The following NFAT5 variants were observed in gnomAD, a reference collection of about 807,000 sequenced individuals.
NFAT5 encodes nuclear factor of activated T cells 5, also known as nuclear factor of activated T-cells 5.
Under a neutral mutation model 166.5 loss-of-function variants are expected in NFAT5, and 31 were observed. That is an observed-to-expected ratio of 0.19 (90% CI 0.14 to 0.25). The LOEUF (loss-of-function observed/expected upper bound fraction) is 0.25, where lower values mean the gene tolerates loss of function less well. Among genes scored for constraint, NFAT5 ranks in the 10% least tolerant of loss-of-function variants. The pLI is 1.00. For missense variants in NFAT5, 1,449 were observed against 1,821.8 expected (o/e 0.80, Z 3.72); for synonymous variants, 612 against 639.7 (o/e 0.96, Z 0.65).
chr16:69,701,253 T>C lies in NFAT5; in HGVS notation c.*4902T>C, dbSNP rs2037893884. 1 of 152,452 alleles carries C rather than the reference T, an allele frequency of 6.6e-6. No individual in the cohort carries two copies. Among genetic ancestry groups the C allele is most frequent in the Non-Finnish European group, 1.5e-5 (1 of 68,016 alleles). 9.4% of individuals were successfully genotyped at this position (152,452 alleles called of 1,614,324 possible). On this transcript the variant is annotated 3_prime_UTR_variant, in exon 15 of 15. Transcript: ENST00000349945. ...GCATGAGCCACCACATCCGGCCTAA[T>C]TACTTCTTTAATCCCCATTTATTTT...
rs12598936 is a variant in NFAT5 at position 69,685,073 on chromosome 16, G to T, written c.1774+103G>T. ...TTCTCTTAGGTACTTATAATACTTT[G>T]CAGGGTATCTTCATATTGTAAAATA... On this transcript the variant is annotated intron_variant, in intron 11 of 14. Coordinates refer to ENST00000349945, the MANE Select transcript of NFAT5 (RefSeq NM_138713.4). 1,001 of 562,284 alleles carry T rather than the reference G, an allele frequency of 1.8e-3. 15 individuals carry two copies. The East Asian group carries it at 0.028, about 16-fold the overall frequency. The allele number at this position is 562,284 out of a possible 1,614,324, so 34.8% of individuals were successfully genotyped here.
rs369232905 is a variant in NFAT5 at position 69,587,386 on chromosome 16, C to A, written c.127+18838C>A. Among the ~76,000 whole-genome samples, 36 of 147,062 alleles carry A rather than the reference C, an allele frequency of 2.4e-4. No individual in the cohort carries two copies. In the South Asian group the frequency reaches 7.9e-3, roughly 32 times the overall value. ...CCACCATGCCCGGCCTATTTTTCTT[C>A]AATTTCTCTTCTTTTTTTTTGAGAT... On this transcript the variant is annotated intron_variant, in intron 2 of 14. Coordinates refer to ENST00000349945, the MANE Select transcript of NFAT5 (RefSeq NM_138713.4).
rs2037853427 is a variant in NFAT5, at chr16:69,699,282, T to C, written c.*2931T>C. On this transcript the variant is annotated 3_prime_UTR_variant, in exon 15 of 15. Transcript: ENST00000349945. ...GAGGTTTATTGTTATCAAATGCTAA[T>C]TGGCAATGCCAAGTCACTGGGACCA... is the stretch of plus-strand genomic sequence containing the variant. 6.5e-6 allele frequency: 1 copy of C among 153,146 alleles called. No homozygotes were observed. The highest frequency in any genetic ancestry group is 2.4e-5 in the African/African-American group (1 of 41,458). 9.5% of individuals were successfully genotyped at this position (153,146 alleles called of 1,614,324 possible).
intron 10 of NFAT5, among the ~76,000 whole-genome samples, chr16:69,679,178 G>T (rs1031088864): frequency 2.6e-5 from 4 of 151,950 alleles, no homozygotes; most frequent in African/African-American, 7.2e-5. Context: ...TGATCTGCCC[G>T]CCTCGGCCTC....
intron 6 of NFAT5, among the ~76,000 whole-genome samples, chr16:69,658,214 G>A (rs1044277494): frequency 1.2e-4 from 19 of 152,282 alleles, no homozygotes; most frequent in Admixed American, 1.0e-3. Context: ...CAGGCGTGCT[G>A]GCTCATGCCT....
At chr16:69,613,329 A>G (rs1056722322) in intron 2 of NFAT5, among the ~76,000 whole-genome samples, 1 of 152,172 alleles carries the variant, frequency 6.6e-6, no homozygotes, top group Non-Finnish European at 1.5e-5. Flanking sequence ...TATTCTCTGT[A>G]TTCCTGGTAG....
At chr16:69,638,249 A>G (rs1430730321) in intron 3 of NFAT5, among the ~76,000 whole-genome samples, 1 of 152,002 alleles carries the variant, frequency 6.6e-6, no homozygotes, top group Non-Finnish European at 1.5e-5. Flanking sequence ...CAACAAAAAC[A>G]AAAAACAAAA....
chr16:69,699,836 CTGTGTG>C lies in NFAT5; in HGVS notation c.*3495_*3500del, dbSNP rs887106737. On this transcript the variant is annotated 3_prime_UTR_variant, in exon 15 of 15. Coordinates refer to ENST00000349945, the MANE Select transcript of NFAT5 (RefSeq NM_138713.4). ...TCTTTCTCTCTCTCTCTCTCTCTCT[CTGTGTG>C]TGTGTGTGTATGTGTGTGTGTGTGT... The C allele has an allele frequency of 4.1e-5, 6 of 148,064 alleles. No homozygotes were observed. The highest frequency in any genetic ancestry group is 7.5e-5 in the Non-Finnish European group (5 of 67,086). The allele number at this position is 148,064 out of a possible 1,614,324, so 9.2% of individuals were successfully genotyped here. A position where few individuals can be genotyped will look rare whatever the true frequency, so the allele number is the denominator to read the frequency against.
At chr16:69,605,571 C>T (rs1314733816) in intron 2 of NFAT5, among the ~76,000 whole-genome samples, 1 of 152,166 alleles carries the variant, frequency 6.6e-6, no homozygotes, top group African/African-American at 2.4e-5. Context: ...TGAGAAACTT[C>T]TTTCTAATTC....
Position 69,653,274 on chromosome 16 carries a change from G to C in NFAT5, c.851G>C (p.Ser284Thr). The change falls in exon 5 of 15, where the codon AGC becomes ACC. Residue 284 changes from serine (S) to threonine (T), a missense_variant. By Grantham distance (58) the Ser-to-Thr change is moderately conservative (BLOSUM62 1). This residue lies in a region of NFAT5 where 115 missense variants were observed against 177.1 expected (regional missense o/e 0.65). Transcript: ENST00000349945. ...ENQKGTGVKK[S>T]PMLCGQYPVK... ...CAAAAAGGAACTGGAGTAAAGAAGA[G>C]CCCTATGTTGTGTGGACAATATCCT... is the stretch of plus-strand genomic sequence containing the variant. The C allele has an allele frequency of 6.2e-7, 1 of 1,606,710 alleles. No homozygotes were observed. The highest frequency in any genetic ancestry group is 8.5e-7 in the Non-Finnish European group (1 of 1,178,090).
chr16:69,672,674 T>C (rs1393969923), intron 9 of NFAT5, among the ~76,000 whole-genome samples: 1 of 152,228 alleles, frequency 6.6e-6, no homozygotes, highest in Non-Finnish European at 1.5e-5. Flanking sequence ...TTTCCGAGGA[T>C]ACTTCAAACC....
intron 13 of NFAT5, 108 bp downstream of exon 13, chr16:69,694,347 C>G: frequency 1.2e-6 from 1 of 820,200 alleles, no homozygotes; most frequent in Non-Finnish European, 1.9e-6. Context: ...CTCTGCCTCC[C>G]AGGTTCAGGT....
At chr16:69,645,478 A>G (rs115337766) in intron 3 of NFAT5, among the ~76,000 whole-genome samples, 31 of 152,280 alleles carry the variant, frequency 2.0e-4, no homozygotes, top group African/African-American at 7.5e-4. Context: ...TTTAGCCTTG[A>G]CAGTAATGAA....
chr16:69,659,967 A>G, intron 7 of NFAT5, 68 bp downstream of exon 7: 2 of 1,319,146 alleles, frequency 1.5e-6, no homozygotes. Flanking sequence ...TCTTTTAGAC[A>G]TCTCTAAATT....
At chr16:69,658,877 G>A (rs958335219) in intron 6 of NFAT5, among the ~76,000 whole-genome samples, 6 of 152,006 alleles carry the variant, frequency 3.9e-5, no homozygotes, top group Admixed American at 1.3e-4. Context: ...GGAAATAACC[G>A]CTATTTTAAT....
At chr16:69,600,781 G>A (rs1306044278) in intron 2 of NFAT5, among the ~76,000 whole-genome samples, 1 of 120,742 alleles carries the variant, frequency 8.3e-6, no homozygotes, top group Non-Finnish European at 1.7e-5. Flanking sequence ...AAAAAAAAAG[G>A]CTCCTGAGCT....
chr16:69,680,897 C>T (rs2037031963), intron 10 of NFAT5, among the ~76,000 whole-genome samples: 1 of 152,070 alleles, frequency 6.6e-6, no homozygotes, highest in South Asian at 2.1e-4. Context: ...GTAGCTGGGA[C>T]TACAGGTGCC....
chr16:69,645,206 T>C (rs1002104009), intron 3 of NFAT5, among the ~76,000 whole-genome samples: 7 of 152,184 alleles, frequency 4.6e-5, no homozygotes, highest in African/African-American at 1.4e-4. Flanking sequence ...TTTACAAACT[T>C]TTAAAAATAT....
chr16:69,618,826 A>C (rs1371566564), intron 2 of NFAT5, among the ~76,000 whole-genome samples: 1 of 152,230 alleles, frequency 6.6e-6, no homozygotes, highest in Non-Finnish European at 1.5e-5. Flanking sequence ...TTTGCATTTC[A>C]TATCAGAGAG....
Sources: allele counts gnomAD v4.1 joint callset (sites outside exome capture counted in the v4.1 genomes callset), GRCh38; gene constraint gnomAD v4.1.1; regional missense constraint gnomAD v4.1.1; transcripts MANE v1.5; gene names NCBI Gene and HGNC (gene_info 2026-07-23, HGNC 2026-07-21).